CLCN5: variants seen among roughly 807,000 people sequenced by gnomAD.
The protein encoded by CLCN5 is Cl-/H+ antiporter 5.
CLCN5 carries 17 observed loss-of-function variants against 54.0 expected under a neutral mutation model. The observed-to-expected ratio is 0.31, with a 90% confidence interval of 0.22 to 0.47. The LOEUF (loss-of-function observed/expected upper bound fraction) is 0.47. Ranked by LOEUF, CLCN5 falls within the 20% of genes least tolerant of loss-of-function variation. The pLI, the probability that CLCN5 is intolerant of heterozygous loss-of-function variation, is 1.00. For missense variants in CLCN5, 448 were observed against 646.7 expected, an observed-to-expected ratio of 0.69 and a Z score of 3.33; for synonymous variants, 222 against 233.0, an observed-to-expected ratio of 0.95 and a Z score of 0.43.
intron 3 of CLCN5, among the ~76,000 whole-genome samples, chrX:50,040,632 A>G (rs1260778084): frequency 8.9e-6 from 1 of 112,128 alleles, no homozygotes; most frequent in African/African-American, 3.2e-5. Flanking sequence ...TGATCAAATC[A>G]AAGTAATTAG....
intron 3 of CLCN5, among the ~76,000 whole-genome samples, chrX:49,993,832 G>A (rs1199995306): frequency 8.9e-6 from 1 of 111,774 alleles, no homozygotes; most frequent in African/African-American, 3.3e-5. Context: ...GAGGAAATTG[G>A]CTTGACTTGA....
chrX:50,050,970 T>C (rs1557188295), intron 4 of CLCN5, among the ~76,000 whole-genome samples: 1 of 111,654 alleles, frequency 9.0e-6, no homozygotes, highest in African/African-American at 3.3e-5. Context: ...CCGTGGCTTG[T>C]CTTTTTATAC....
intron 3 of CLCN5, among the ~76,000 whole-genome samples, chrX:49,981,049 C>T (rs372905126): frequency 2.2e-4 from 25 of 111,438 alleles, no homozygotes; most frequent in Admixed American, 8.6e-4. Flanking sequence ...ATATTCATCA[C>T]GCATAGGTGA....
chrX:49,929,476 G>A (rs1925529449), intron 3 of CLCN5, among the ~76,000 whole-genome samples: 1 of 111,639 alleles, frequency 9.0e-6, no homozygotes, highest in Non-Finnish European at 1.9e-5. Context: ...GAGACGCAAT[G>A]GTCAGTGGAA....
At chrX:49,970,458 ACTT>A (rs1167469945) in intron 3 of CLCN5, among the ~76,000 whole-genome samples, 2 of 110,494 alleles carry the variant, frequency 1.8e-5, no homozygotes, top group African/African-American at 6.6e-5. Context: ...CCACTAATCT[ACTT>A]CTTATCTCTG....
chrX:49,958,633 T>C (rs1198846506), intron 3 of CLCN5, among the ~76,000 whole-genome samples: 1 of 111,597 alleles, frequency 9.0e-6, no homozygotes, highest in African/African-American at 3.3e-5. Context: ...CTGCTATGAT[T>C]TTTTTCAGAG....
At chrX:50,033,838 G>A (rs1931856937) in intron 3 of CLCN5, among the ~76,000 whole-genome samples, 1 of 111,767 alleles carries the variant, frequency 8.9e-6, no homozygotes, top group Non-Finnish European at 1.9e-5. Flanking sequence ...AGGGTCCTCA[G>A]TAATTTTGAT....
At chrX:49,929,782 T>G (rs1479795193) in intron 3 of CLCN5, among the ~76,000 whole-genome samples, 1 of 107,369 alleles carries the variant, frequency 9.3e-6, no homozygotes, top group Non-Finnish European at 1.9e-5. Flanking sequence ...GTTTTTTGTT[T>G]TTTTTTTTTT....
chrX:49,956,452 G>A (rs1927325436), intron 3 of CLCN5, among the ~76,000 whole-genome samples: 1 of 112,270 alleles, frequency 8.9e-6, no homozygotes, highest in Non-Finnish European at 1.9e-5. Context: ...GCTAATAAAT[G>A]TATAGTACTA....
intron 3 of CLCN5, among the ~76,000 whole-genome samples, chrX:49,928,595 T>G (rs1307063844): frequency 9.0e-6 from 1 of 111,615 alleles, no homozygotes; most frequent in Non-Finnish European, 1.9e-5. Flanking sequence ...TCTGTTTGGG[T>G]CTTTAAGTAG....
At chrX:50,028,640 C>T (rs1931538645) in intron 3 of CLCN5, among the ~76,000 whole-genome samples, 1 of 111,823 alleles carries the variant, frequency 8.9e-6, no homozygotes, top group East Asian at 2.8e-4. Flanking sequence ...TCTGATGGAG[C>T]TGAGAAGAGT....
intron 3 of CLCN5, among the ~76,000 whole-genome samples, chrX:50,004,755 C>T (rs1463105420): frequency 1.8e-5 from 2 of 110,666 alleles, no homozygotes; most frequent in Non-Finnish European, 3.8e-5. Flanking sequence ...ACTAAAAATA[C>T]AAAAATTAGT....
chrX:49,944,339 A>G (rs1205342976), intron 3 of CLCN5, among the ~76,000 whole-genome samples: 4 of 111,493 alleles, frequency 3.6e-5, no homozygotes, highest in Non-Finnish European at 7.5e-5. Flanking sequence ...ATACAATCAT[A>G]TCATCTGCAA....
intron 4 of CLCN5, among the ~76,000 whole-genome samples, chrX:50,047,879 AC>A (rs1932448377): frequency 8.9e-6 from 1 of 112,134 alleles, no homozygotes; most frequent in African/African-American, 3.2e-5. Context: ...AGGAGCACAT[AC>A]TATCAATATG....
intron 3 of CLCN5, among the ~76,000 whole-genome samples, chrX:49,939,209 C>T (rs1438468381): frequency 9.0e-6 from 1 of 111,410 alleles, no homozygotes; most frequent in Non-Finnish European, 1.9e-5. Flanking sequence ...ACTAGTTCAA[C>T]CCTTGTGGAA....
Position 49,925,377 on chromosome X carries a change from C to G in CLCN5, c.16+63C>G, listed in dbSNP as rs782266141. On this transcript the variant is annotated intron_variant, in intron 3 of 14. Coordinates refer to ENST00000376091, the MANE Select transcript of CLCN5 (RefSeq NM_001127898.4). ...CTCCTACTCTATTCTCTACCCTCACCCAACCGTTCCCCACCCAGCCAATGG... is the reference window on the plus strand; with the variant it reads ...CTCCTACTCTATTCTCTACCCTCACGCAACCGTTCCCCACCCAGCCAATGG... The G allele has an allele frequency of 1.3e-5, 14 of 1,070,264 alleles. No homozygotes were observed. The Admixed American group carries it at 2.6e-4, about 20-fold the overall frequency. The allele number at this position is 1,070,264 out of a possible 1,213,427, so 88.2% of individuals were successfully genotyped here. A position where few individuals can be genotyped will look rare whatever the true frequency, so the allele number is the denominator to read the frequency against.
At chrX:50,077,814 A>G (rs1933497147) in intron 7 of CLCN5, among the ~76,000 whole-genome samples, 1 of 24,684 alleles carries the variant, frequency 4.1e-5, no homozygotes. Context: ...TGTCTCTACA[A>G]AAAAAAAAAA....
At chrX:49,950,146 T>C (rs1233860038) in intron 3 of CLCN5, among the ~76,000 whole-genome samples, 2 of 111,851 alleles carry the variant, frequency 1.8e-5, no homozygotes, top group Admixed American at 1.9e-4. Flanking sequence ...ATGGCATTTC[T>C]CTAAGCTACC....
At chrX:50,013,218 C>G (rs781887106) in intron 3 of CLCN5, 1 of 157,725 alleles carries the variant, frequency 6.3e-6, no homozygotes, top group Admixed American at 7.1e-5. Flanking sequence ...CCCCCACCCC[C>G]CTCCCATGTG....
Sources: allele counts gnomAD v4.1 joint callset (sites outside exome capture counted in the v4.1 genomes callset), GRCh38; gene constraint gnomAD v4.1.1; transcripts MANE v1.5; gene names NCBI Gene and HGNC (gene_info 2026-07-23, HGNC 2026-07-21).